RBBP5: variants seen among roughly 807,000 people sequenced by gnomAD.
The protein encoded by RBBP5 is retinoblastoma-binding protein 5.
RBBP5 carries 5 observed loss-of-function variants against 72.2 expected under a neutral mutation model. That is an observed-to-expected ratio of 0.07 (90% CI 0.04 to 0.15). The LOEUF is 0.15. Among genes scored for constraint, RBBP5 ranks in the 10% least tolerant of loss-of-function variants. The probability of loss-of-function intolerance (pLI) is 1.00; values close to 1 mark genes in which losing one functional copy is unlikely to be tolerated. For synonymous variants in RBBP5, 209 were observed against 237.2 expected (o/e 0.88, Z 1.09); for missense variants, 322 against 652.2 (o/e 0.49, Z 5.51).
intron 1 of RBBP5, 79 bp downstream of exon 1, chr1:205,121,776 G>C: frequency 1.9e-6 from 3 of 1,600,018 alleles, no homozygotes; most frequent in Admixed American, 3.3e-5. Flanking sequence ...TAAGATTGCA[G>C]CCTGACTCCC....
At chr1:205,101,522 G>A in intron 6 of RBBP5, 78 bp downstream of exon 6, 1 of 1,067,062 alleles carries the variant, frequency 9.4e-7, no homozygotes, top group South Asian at 1.7e-5. Flanking sequence ...TAATATACAT[G>A]AAAACTGCAA....
chr1:205,118,316 G>C (rs1185131497), intron 1 of RBBP5, among the ~76,000 whole-genome samples: 1 of 151,844 alleles, frequency 6.6e-6, no homozygotes, highest in East Asian at 1.9e-4. Context: ...TGTTGCAATA[G>C]ATTAGAAAAT....
chr1:205,099,152 C>G lies in RBBP5; in HGVS notation c.979-46G>C, dbSNP rs1039193516. ...CTTAACCATATGTGAAAGCAATAATCTGTAATCTACACATTAATGATAAAA... is the reference window on the plus strand; with the variant it reads ...CTTAACCATATGTGAAAGCAATAATGTGTAATCTACACATTAATGATAAAA... On this transcript the variant is annotated intron_variant, in intron 9 of 13. Coordinates refer to ENST00000264515, the MANE Select transcript of RBBP5 (RefSeq NM_005057.4). This position sits in a 1 kb window ranked among gnomAD's most constrained non-coding sequence, Gnocchi z 4.7. 7 of 1,061,958 alleles carry G rather than the reference C, an allele frequency of 6.6e-6. No homozygotes were observed. The highest frequency in any genetic ancestry group is 1.6e-5 in the African/African-American group (1 of 61,316). The allele number at this position is 1,061,958 out of a possible 1,614,324, so 65.8% of individuals were successfully genotyped here.
At chr1:205,101,337 A>T (rs558857419) in intron 6 of RBBP5, among the ~76,000 whole-genome samples, 11 of 152,288 alleles carry the variant, frequency 7.2e-5, no homozygotes, top group Non-Finnish European at 1.6e-4. Flanking sequence ...TGCTTACTAT[A>T]TGCCAGGCAT....
chr1:205,109,389 A>G (rs1656213082), intron 3 of RBBP5, among the ~76,000 whole-genome samples: 2 of 152,148 alleles, frequency 1.3e-5, no homozygotes, highest in South Asian at 2.1e-4. Context: ...GCTAAACAGC[A>G]GAAGAAATAG....
chr1:205,100,336 A>T, intron 6 of RBBP5, 65 bp from the exon 7 acceptor site: 1 of 1,552,486 alleles, frequency 6.4e-7, no homozygotes. Flanking sequence ...CTACAAAACG[A>T]CTAATAAACT....
chr1:205,098,970 T>C lies in RBBP5; in HGVS notation c.1096+19A>G, dbSNP rs1655719226. ...CATTTTCCCTTTAGGAAATCCTGTC[T>C]GCAATTTAGAAATAGTACCTGTCTG... On this transcript the variant is annotated intron_variant, in intron 10 of 13. Coordinates refer to ENST00000264515, the MANE Select transcript of RBBP5 (RefSeq NM_005057.4). 6.9e-7 allele frequency: 1 copy of C among 1,454,600 alleles called. No homozygotes were observed. The highest frequency in any genetic ancestry group is 9.3e-7 in the Non-Finnish European group (1 of 1,073,662). 90.1% of individuals were successfully genotyped at this position (1,454,600 alleles called of 1,614,324 possible). A position where few individuals can be genotyped will look rare whatever the true frequency, so the allele number is the denominator to read the frequency against.
intron 3 of RBBP5, 80 bp from the exon 4 acceptor site, chr1:205,105,248 C>G (rs933694995): frequency 3.4e-6 from 5 of 1,483,160 alleles, no homozygotes; most frequent in African/African-American, 1.4e-5. Context: ...GTAAGTCACA[C>G]ACATTGCTGC....
intron 6 of RBBP5, among the ~76,000 whole-genome samples, chr1:205,100,963 T>C (rs941369146): frequency 2.6e-5 from 4 of 152,132 alleles, no homozygotes; most frequent in Admixed American, 6.6e-5. Flanking sequence ...CAGTTCAAAA[T>C]AGGGTCCGTG....
intron 1 of RBBP5, among the ~76,000 whole-genome samples, chr1:205,118,319 T>C (rs974708497): frequency 6.6e-6 from 1 of 151,950 alleles, no homozygotes; most frequent in Admixed American, 6.6e-5. Flanking sequence ...TGCAATAGAT[T>C]AGAAAATATC....
chr1:205,093,569 C>CACAG (rs1409891304), intron 13 of RBBP5, among the ~76,000 whole-genome samples: 2 of 122,428 alleles, frequency 1.6e-5, no homozygotes, highest in Non-Finnish European at 3.3e-5. Flanking sequence ...CACACACACA[C>CACAG]AGCATTATAT....
intron 1 of RBBP5, chr1:205,116,428 TA>T (rs901343848): frequency 3.3e-5 from 7 of 214,564 alleles, no homozygotes; most frequent in Non-Finnish European, 6.0e-5. Context: ...ATCCTGATAC[TA>T]AAAAGTTTGA....
intron 2 of RBBP5, among the ~76,000 whole-genome samples, chr1:205,115,284 T>A (rs1488076158): frequency 6.6e-6 from 1 of 152,156 alleles, no homozygotes; most frequent in African/African-American, 2.4e-5. Context: ...TCATTGTAAT[T>A]CTGGGAATTT....
intron 1 of RBBP5, among the ~76,000 whole-genome samples, chr1:205,117,528 C>T (rs1165683996): frequency 6.6e-6 from 1 of 151,578 alleles, no homozygotes; most frequent in Non-Finnish European, 1.5e-5. Context: ...GGCGTGGTGG[C>T]GCATGCCTGT....
intron 13 of RBBP5, among the ~76,000 whole-genome samples, chr1:205,090,106 G>C (rs567863219): frequency 1.3e-5 from 2 of 152,066 alleles, no homozygotes; most frequent in Admixed American, 6.6e-5. Flanking sequence ...CACCCGCCTC[G>C]GACTCCCAAA....
At chr1:205,088,913 CA>C in intron 13 of RBBP5, 98 bp from the exon 14 acceptor site, 1 of 1,077,220 alleles carries the variant, frequency 9.3e-7, no homozygotes, top group South Asian at 1.6e-5. Flanking sequence ...GCATTACAAG[CA>C]CACGTGGACC....
intron 3 of RBBP5, among the ~76,000 whole-genome samples, chr1:205,107,030 CTGTGTGTATATA>C (rs1656092330): frequency 1.3e-5 from 2 of 150,052 alleles, no homozygotes; most frequent in African/African-American, 2.5e-5. Flanking sequence ...ATATATGTGT[CTGTGTGTATATA>C]TGTGTGTATA....
chr1:205,113,128 C>A (rs1271713089), intron 3 of RBBP5, among the ~76,000 whole-genome samples: 1 of 151,954 alleles, frequency 6.6e-6, no homozygotes, highest in Non-Finnish European at 1.5e-5. Context: ...GTCTCAGCAA[C>A]AACAACAAAA....
intron 3 of RBBP5, among the ~76,000 whole-genome samples, chr1:205,107,013 CATATATAT>C (rs112577702): frequency 2.0e-4 from 30 of 150,684 alleles, no homozygotes; most frequent in Non-Finnish European, 4.0e-4. Context: ...TTACCATAGA[CATATATAT>C]ATATGTGTCT....
Sources: gnomAD v4.1 joint callset for allele counts (sites outside exome capture counted in the v4.1 genomes callset) on GRCh38, gnomAD v4.1.1 for gene constraint, Gnocchi (gnomAD v3.1) non-coding constraint, MANE v1.5 for transcripts, NCBI Gene and HGNC (gene_info 2026-07-23, HGNC 2026-07-21) for gene names.